Variants in RAVER2 observed in about 807,000 individuals in gnomAD.
RAVER2 encodes the protein ribonucleoprotein, PTB binding 2, also known as ribonucleoprotein PTB-binding 2.
In RAVER2, 46 loss-of-function variants were observed where a neutral mutation model predicts 78.1. The observed-to-expected ratio is 0.59, with a 90% confidence interval of 0.46 to 0.75. The LOEUF is 0.75. Among genes scored for constraint, RAVER2 ranks in the 30% least tolerant of loss-of-function variants. RAVER2 has a pLI of 0.00. For missense variants in RAVER2, 793 were observed against 837.5 expected (o/e 0.95, Z 0.66); for synonymous variants, 311 against 313.3 (o/e 0.99, Z 0.08).
intron 10 of RAVER2, among the ~76,000 whole-genome samples, chr1:64,813,826 TAGACACAC>T (rs1467132128): frequency 4.2e-5 from 4 of 94,580 alleles, no homozygotes; most frequent in Admixed American, 4.1e-4. Flanking sequence ...TTTTAGAGAC[TAGACACAC>T]ACACACACAC....
At chr1:64,763,975 A>C (rs1652104357) in intron 1 of RAVER2, among the ~76,000 whole-genome samples, 2 of 149,774 alleles carry the variant, frequency 1.3e-5, no homozygotes, top group Non-Finnish European at 3.0e-5. Flanking sequence ...GTAATTTAGC[A>C]ATTCTACTCC....
chr1:64,780,824 GT>G (rs1652606339), intron 3 of RAVER2, among the ~76,000 whole-genome samples: 1 of 152,180 alleles, frequency 6.6e-6, no homozygotes, highest in African/African-American at 2.4e-5. Context: ...AGAAATAAAA[GT>G]TGTGTGTTGC....
chr1:64,826,023 T>C (rs1333522249), intron 11 of RAVER2, among the ~76,000 whole-genome samples: 2 of 152,198 alleles, frequency 1.3e-5, no homozygotes, highest in Non-Finnish European at 2.9e-5. Context: ...CTCTAGTAGA[T>C]TACGGTGTTC....
At chr1:64,749,734 T>C (rs1651645867) in intron 1 of RAVER2, among the ~76,000 whole-genome samples, 1 of 152,392 alleles carries the variant, frequency 6.6e-6, no homozygotes, top group Non-Finnish European at 1.5e-5. Flanking sequence ...TATATGTGTG[T>C]GTCTGGTCTT....
At chr1:64,771,615 A>G (rs547204370) in intron 2 of RAVER2, among the ~76,000 whole-genome samples, 2 of 152,214 alleles carry the variant, frequency 1.3e-5, no homozygotes, top group African/African-American at 4.8e-5. Context: ...ATGTAGAAAT[A>G]AAATGTGTAA....
At chr1:64,794,408 A>C (rs998556613) in intron 5 of RAVER2, among the ~76,000 whole-genome samples, 15 of 151,132 alleles carry the variant, frequency 9.9e-5, no homozygotes, top group Admixed American at 2.0e-4. Context: ...AAAAAAAAAA[A>C]AAAAAAAAAC....
intron 11 of RAVER2, among the ~76,000 whole-genome samples, chr1:64,828,220 C>G: frequency 7.5e-6 from 1 of 133,180 alleles, no homozygotes; most frequent in South Asian, 2.3e-4. Flanking sequence ...ACTTCTATTT[C>G]TCTTTTGTCA....
At chr1:64,798,398 C>A (rs1653161682) in intron 5 of RAVER2, among the ~76,000 whole-genome samples, 1 of 144,642 alleles carries the variant, frequency 6.9e-6, no homozygotes, top group Non-Finnish European at 1.5e-5. Context: ...GTGCATGTGT[C>A]TTTATAGCAG....
chr1:64,801,022 TA>T (rs1653247255), intron 5 of RAVER2, among the ~76,000 whole-genome samples: 1 of 151,166 alleles, frequency 6.6e-6, no homozygotes, highest in Non-Finnish European at 1.5e-5. Flanking sequence ...TTGCTACATA[TA>T]TATTACAAGA....
At chr1:64,799,432 G>A (rs1216301931) in intron 5 of RAVER2, among the ~76,000 whole-genome samples, 2 of 151,932 alleles carry the variant, frequency 1.3e-5, no homozygotes, top group Non-Finnish European at 2.9e-5. Context: ...TTGGTTTGTT[G>A]TTGTTTTTGT....
intron 1 of RAVER2, among the ~76,000 whole-genome samples, chr1:64,761,857 C>A (rs1652031570): frequency 6.6e-6 from 1 of 152,062 alleles, no homozygotes; most frequent in Admixed American, 6.5e-5. Flanking sequence ...CGCCTGTAAT[C>A]CCCGGACTTG....
chr1:64,799,586 G>T (rs1570567067), intron 5 of RAVER2, among the ~76,000 whole-genome samples: 1 of 152,034 alleles, frequency 6.6e-6, no homozygotes, highest in South Asian at 2.1e-4. Context: ...AGGATTACTG[G>T]CATGCACCAC....
At chr1:64,746,994 T>TG (rs1312984451) in intron 1 of RAVER2, among the ~76,000 whole-genome samples, 1 of 152,254 alleles carries the variant, frequency 6.6e-6, no homozygotes, top group Non-Finnish European at 1.5e-5. Context: ...CACAATTCCT[T>TG]GCATTAATTC....
intron 2 of RAVER2, among the ~76,000 whole-genome samples, chr1:64,769,293 A>G (rs1031201927): frequency 7.9e-5 from 12 of 152,012 alleles, no homozygotes; most frequent in African/African-American, 2.9e-4. Flanking sequence ...CCTCATGTAG[A>G]TCTGTTGAAT....
At chr1:64,773,058 C>T (rs55669310) in intron 2 of RAVER2, among the ~76,000 whole-genome samples, 3,359 of 151,976 alleles carry the variant, frequency 0.022, 62 homozygotes, top group Non-Finnish European at 0.034. Flanking sequence ...ACCTATTAGA[C>T]GGGTGGAATT....
chr1:64,804,949 A>G (rs374280995), intron 7 of RAVER2, 42 bp from the exon 8 acceptor site: 4 of 1,580,768 alleles, frequency 2.5e-6, no homozygotes, highest in African/African-American at 2.7e-5. Flanking sequence ...TTTAGGTTAT[A>G]TCTTATGGCC....
At chr1:64,759,520 A>G (rs1651956824) in intron 1 of RAVER2, among the ~76,000 whole-genome samples, 1 of 141,238 alleles carries the variant, frequency 7.1e-6, no homozygotes, top group African/African-American at 2.7e-5. Flanking sequence ...CGCCCGGCCT[A>G]TTTATTATTT....
In RAVER2 at chr1:64,775,904, G is replaced by T. The variant is rs544732950; in HGVS notation, c.317-1719G>T. 5.3e-5 allele frequency among the ~76,000 whole-genome samples: 8 copies of T among 151,714 alleles called. No homozygotes were observed. The South Asian group carries it at 1.7e-3, about 32-fold the overall frequency. On this transcript the variant is annotated intron_variant, in intron 2 of 11. Coordinates refer to ENST00000294428, the Ensembl canonical transcript of RAVER2. ...CGTGGTGGCAGGCCCTGTAGTCCCA[G>T]CTACTTGAGAGGCTGAAGCAAGAGA...
chr1:64,822,062 C>T (rs1171302105), intron 11 of RAVER2, among the ~76,000 whole-genome samples: 12 of 152,092 alleles, frequency 7.9e-5, no homozygotes, highest in Non-Finnish European at 1.2e-4. Flanking sequence ...CCATGGCGGG[C>T]GGATCACGAG....
Sources: allele counts gnomAD v4.1 joint callset (sites outside exome capture counted in the v4.1 genomes callset), GRCh38; gene constraint gnomAD v4.1.1; transcripts MANE v1.5; gene names NCBI Gene and HGNC (gene_info 2026-07-23, HGNC 2026-07-21).